Variants in CYBRD1 observed in about 807,000 individuals in gnomAD.
The protein encoded by CYBRD1 is cytochrome b reductase 1, also known as plasma membrane ascorbate-dependent reductase CYBRD1.
In CYBRD1, 14 loss-of-function variants were observed where a neutral mutation model predicts 21.9. The ratio of observed to expected loss-of-function variants is 0.64; its 90% CI spans 0.42 to 1.00. The LOEUF (loss-of-function observed/expected upper bound fraction) is 1.00, where lower values mean the gene tolerates loss of function less well. Ranked by LOEUF, CYBRD1 falls within the 50% of genes least tolerant of loss-of-function variation. The pLI is 0.00. For synonymous variants in CYBRD1, 146 were observed against 136.5 expected (o/e 1.07, Z -0.48); for missense variants, 328 against 352.5 (o/e 0.93, Z 0.56).
In CYBRD1 at chr2:171,558,019, G is replaced by A. The variant is rs1192866680; in HGVS notation, c.*3192G>A. On this transcript the variant is annotated 3_prime_UTR_variant, in exon 4 of 4. Transcript: ENST00000321348. ...AAGATTTCTATCTTTTTATCTTAGC[G>A]CATTTATGGAAAAAATATTAACTAT... 7.9e-5 allele frequency: 12 copies of A among 151,808 alleles called. No homozygotes were observed. Among genetic ancestry groups the A allele is most frequent in the African/African-American group, 2.4e-4 (10 of 41,426 alleles). The allele number at this position is 151,808 out of a possible 1,614,324, so 9.4% of individuals were successfully genotyped here. A position where few individuals can be genotyped will look rare whatever the true frequency, so the allele number is the denominator to read the frequency against.
chr2:171,550,246 C>A (rs142426715), intron 2 of CYBRD1, among the ~76,000 whole-genome samples: 3,731 of 152,238 alleles, frequency 0.025, 132 homozygotes, highest in African/African-American at 0.084. Context: ...GCTGGGACTA[C>A]AGGCATGTGC....
chr2:171,523,177 A>G (rs1697335105), intron 1 of CYBRD1: 1 of 353,298 alleles, frequency 2.8e-6, no homozygotes, highest in East Asian at 1.2e-4. Context: ...AGCCTGCGCG[A>G]TCGGGGGCGC....
chr2:171,528,101 T>TC (rs1232745345), intron 1 of CYBRD1, among the ~76,000 whole-genome samples: 1 of 152,080 alleles, frequency 6.6e-6, no homozygotes, highest in Non-Finnish European at 1.5e-5. Context: ...TTTATTTTTT[T>TC]TGAGATGGAG....
chr2:171,524,263 T>C (rs1697353719), intron 1 of CYBRD1, among the ~76,000 whole-genome samples: 1 of 152,092 alleles, frequency 6.6e-6, no homozygotes, highest in East Asian at 1.9e-4. Context: ...TAACTCTCAG[T>C]TATTTTGCCA....
chr2:171,527,521 A>C (rs1176517909), intron 1 of CYBRD1, among the ~76,000 whole-genome samples: 2 of 152,202 alleles, frequency 1.3e-5, no homozygotes, highest in Non-Finnish European at 2.9e-5. Flanking sequence ...GCTTTTCCCT[A>C]GTGATTCTCC....
intron 1 of CYBRD1, among the ~76,000 whole-genome samples, chr2:171,529,771 C>T (rs1186271389): frequency 6.6e-6 from 1 of 152,086 alleles, no homozygotes; most frequent in Non-Finnish European, 1.5e-5. Context: ...AGCTTAAAGT[C>T]CCCTTGCCCC....
intron 1 of CYBRD1, among the ~76,000 whole-genome samples, chr2:171,529,286 C>T (rs1166675362): frequency 1.3e-5 from 2 of 152,152 alleles, no homozygotes; most frequent in Non-Finnish European, 1.5e-5. Context: ...AATCCCAGCA[C>T]TTTGGGAGGC....
At position 171,522,834 on chromosome 2, in the gene CYBRD1, T is replaced by C; in HGVS notation, c.193+96T>C. On this transcript the variant is annotated intron_variant, in intron 1 of 3. Transcript: ENST00000321348. The surrounding 1 kb of genome is among the most constrained non-coding windows in gnomAD (Gnocchi z 4.3). ...AAGCCCCTTCCAGCTGAGGAAGTGC[T>C]GGAGGATCGCGGGGCCCGGAGGAGT... 1 of 1,565,708 alleles carries C rather than the reference T, an allele frequency of 6.4e-7. No individual in the cohort carries two copies. The highest frequency in any genetic ancestry group is 2.3e-5 in the East Asian group (1 of 43,906).
rs760658895 is a variant in CYBRD1 at position 171,541,750 on chromosome 2, A to C, written c.359A>C (p.His120Pro). ...VNNIANMYSL[H>P]SWVGLIAVIC... ...AATATAGCCAATATGTACAGTCTGC[A>C]CAGCTGGGTTGGACTGATAGCTGTC... is the stretch of plus-strand genomic sequence containing the variant. Residue 120 changes from histidine (H) to proline (P), a missense_variant, in exon 2 of 4, where the codon CAC becomes CCC. Physicochemically the swap from His to Pro is moderately conservative, Grantham distance 77 (BLOSUM62 -2). Transcript: ENST00000321348. 7.4e-6 allele frequency: 12 copies of C among 1,613,904 alleles called. No individual in the cohort carries two copies. The highest frequency in any genetic ancestry group is 2.5e-6 in the Non-Finnish European group (3 of 1,180,008).
In CYBRD1 at chr2:171,556,944, T is replaced by G. The variant is rs1032419542; in HGVS notation, c.*2117T>G. On this transcript the variant is annotated 3_prime_UTR_variant, in exon 4 of 4. Coordinates refer to ENST00000321348, the MANE Select transcript of CYBRD1 (RefSeq NM_024843.4). ...AAGCCGCCAGAATTGAGGTGGCCAT[T>G]CCTTTTTGTATAGGCTAAGAAACAG... The G allele has an allele frequency of 6.6e-6, 1 of 152,582 alleles. No individual in the cohort carries two copies. The highest frequency in any genetic ancestry group is 2.4e-5 in the African/African-American group (1 of 41,444). 9.5% of individuals were successfully genotyped at this position (152,582 alleles called of 1,614,324 possible).
In CYBRD1 at chr2:171,554,760, AC is replaced by A. The variant is rs765720354; in HGVS notation, c.795del (p.Asn265LysfsTer4). ...NNMDKSDSELNSEVAARKRNL... is the reference protein window; with the variant it reads ...NNMDKSDSELXSEVAARKRNL... Reference sequence around the variant, plus strand: ...ATGGACAAATCAGATTCAGAGTTAAACAGTGAAGTAGCAGCAAGGAAAAGAA... The same window carrying A: ...ATGGACAAATCAGATTCAGAGTTAAAAGTGAAGTAGCAGCAAGGAAAAGAA... On this transcript the variant is annotated frameshift_variant, in exon 4 of 4. Coordinates refer to ENST00000321348, the MANE Select transcript of CYBRD1 (RefSeq NM_024843.4). LOFTEE classifies it high-confidence loss of function. 6.2e-7 allele frequency: 1 copy of A among 1,614,064 alleles called. No homozygotes were observed. The highest frequency in any genetic ancestry group is 8.5e-7 in the Non-Finnish European group (1 of 1,179,960).
intron 1 of CYBRD1, among the ~76,000 whole-genome samples, chr2:171,526,719 G>A (rs982808727): frequency 7.2e-5 from 11 of 152,148 alleles, no homozygotes; most frequent in Non-Finnish European, 1.6e-4. Flanking sequence ...ACAAATAAAC[G>A]CTGTCAAAGT....
chr2:171,545,149 A>AG (rs1201820211), intron 2 of CYBRD1, among the ~76,000 whole-genome samples: 4 of 147,606 alleles, frequency 2.7e-5, no homozygotes, highest in Non-Finnish European at 6.2e-5. Context: ...AAAAAAAAAA[A>AG]AAAAAAAAGA....
rs75044345 is a variant in CYBRD1, at chr2:171,534,820, A to G, written c.194-6765A>G. On this transcript the variant is annotated intron_variant, in intron 1 of 3. Coordinates refer to ENST00000321348, the MANE Select transcript of CYBRD1 (RefSeq NM_024843.4). ...TTTCAACCATAAGAAAAAACATAATAGATCCCTAAGTACCCACGACCCAGA... is the reference window on the plus strand; with the variant it reads ...TTTCAACCATAAGAAAAAACATAATGGATCCCTAAGTACCCACGACCCAGA... Among the ~76,000 whole-genome samples the G allele has an allele frequency of 1.2e-3, 183 of 152,362 alleles. 3 individuals are homozygous for G. The highest frequency in any genetic ancestry group is 0.011 in the East Asian group (56 of 5,186).
At chr2:171,533,127 G>A (rs1230787845) in intron 1 of CYBRD1, among the ~76,000 whole-genome samples, 1 of 152,098 alleles carries the variant, frequency 6.6e-6, no homozygotes, top group Non-Finnish European at 1.5e-5. Flanking sequence ...AGCACTTTGG[G>A]AGGCCAAGGT....
chr2:171,548,258 T>A (rs1697747139), intron 2 of CYBRD1, among the ~76,000 whole-genome samples: 2 of 152,148 alleles, frequency 1.3e-5, no homozygotes, highest in Admixed American at 1.3e-4. Context: ...AAAGACAGAT[T>A]CTCAGCTTCC....
intron 1 of CYBRD1, among the ~76,000 whole-genome samples, chr2:171,523,585 C>CCA (rs1697343204): frequency 6.6e-6 from 1 of 152,190 alleles, no homozygotes. Flanking sequence ...CCGAGGGATG[C>CCA]CTCTGCTCGG....
intron 1 of CYBRD1, among the ~76,000 whole-genome samples, chr2:171,537,587 A>T (rs1008114615): frequency 5.3e-5 from 8 of 152,160 alleles, no homozygotes; most frequent in African/African-American, 1.2e-4. Context: ...AGTAAATTTT[A>T]AAAAAACCTG....
At chr2:171,550,133 A>G (rs557792459) in intron 2 of CYBRD1, among the ~76,000 whole-genome samples, 2 of 152,078 alleles carry the variant, frequency 1.3e-5, no homozygotes, top group East Asian at 1.9e-4. Flanking sequence ...TGTTCTTGAG[A>G]CAGAGCTTTG....
Sources: allele counts gnomAD v4.1 joint callset (sites outside exome capture counted in the v4.1 genomes callset), GRCh38; gene constraint gnomAD v4.1.1; non-coding constraint Gnocchi (gnomAD v3.1); transcripts MANE v1.5; gene names NCBI Gene and HGNC (gene_info 2026-07-23, HGNC 2026-07-21).